GAREM2: variants seen among roughly 807,000 people sequenced by gnomAD.
The protein encoded by GAREM2 is GRB2 associated regulator of MAPK1 subtype 2, also known as GRB2-associated and regulator of MAPK protein 2.
Under a neutral mutation model 55.6 loss-of-function variants are expected in GAREM2, and 30 were observed. The observed-to-expected ratio is 0.54, with a 90% CI of 0.40 to 0.73. The LOEUF (loss-of-function observed/expected upper bound fraction) is 0.73. Among genes scored for constraint, GAREM2 ranks in the 30% least tolerant of loss-of-function variants. The pLI is 0.00. For synonymous variants in GAREM2, 550 were observed against 569.1 expected (o/e 0.97, Z 0.48); for missense variants, 1,075 against 1,257.7 (o/e 0.85, Z 2.20).
chr2:26,175,467 A>G (rs1423903111), intron 1 of GAREM2, among the ~76,000 whole-genome samples: 6 of 152,108 alleles, frequency 3.9e-5, no homozygotes, highest in Non-Finnish European at 7.4e-5. Context: ...CACCCCTGTA[A>G]CTGGGAGGAT....
chr2:26,173,461 G>A, intron 1 of GAREM2, 129 bp downstream of exon 1: 1 of 443,462 alleles, frequency 2.3e-6, no homozygotes, highest in Non-Finnish European at 3.6e-6. Flanking sequence ...TGGGCCCCGA[G>A]CGGTTCCTGG....
At position 26,184,752 on chromosome 2, in the gene GAREM2, G is replaced by C. The variant is rs1351301556; in HGVS notation, c.904G>C (p.Gly302Arg). 6.7e-7 allele frequency: 1 copy of C among 1,502,186 alleles called. No homozygotes were observed. The highest frequency in any genetic ancestry group is 8.8e-7 in the Non-Finnish European group (1 of 1,130,760). The allele number at this position is 1,502,186 out of a possible 1,614,324, so 93.1% of individuals were successfully genotyped here. Residue 302 changes from glycine (G) to arginine (R), a missense_variant, in exon 4 of 6, where the codon GGG becomes CGG. Physicochemically the swap from Gly to Arg is moderately radical, Grantham distance 125. This residue lies in a region of GAREM2 where 170 missense variants were observed against 220.7 expected (regional missense o/e 0.77). Coordinates refer to ENST00000401533, the MANE Select transcript of GAREM2 (RefSeq NM_001168241.2). ...CATCATCTCCAAGACGGTGGTGCTGGGGCTGGCGCTGCGCCGCGAGGGCCC... is the reference window on the plus strand; with the variant it reads ...CATCATCTCCAAGACGGTGGTGCTGCGGCTGGCGCTGCGCCGCGAGGGCCC... Reference protein sequence around the residue: ...VSIISKTVVLGLALRREGPAP... With the variant: ...VSIISKTVVLRLALRREGPAP...
At chr2:26,194,258 G>A (rs1044626264), downstream of GAREM2, among the ~76,000 whole-genome samples, 3 of 152,160 alleles carry the variant, frequency 2.0e-5, no homozygotes, top group African/African-American at 4.8e-5. Flanking sequence ...TGAACCAAGC[G>A]GGCCCTGTTC....
At chr2:26,195,370 G>T in the GAREM2 span, 1 of 789,378 alleles carries the variant, frequency 1.3e-6, no homozygotes. Context: ...TGAGTGGTTT[G>T]GTTCCATGGG....
In GAREM2 at chr2:26,185,229, C is replaced by A; in HGVS notation, c.1381C>A (p.Arg461=). 6.6e-7 allele frequency: 1 copy of A among 1,521,450 alleles called. No homozygotes were observed. 94.2% of individuals were successfully genotyped at this position (1,521,450 alleles called of 1,614,324 possible). A position where few individuals can be genotyped will look rare whatever the true frequency, so the allele number is the denominator to read the frequency against. Residue 461 remains arginine, a synonymous_variant, in exon 4 of 6, where the codon CGG becomes AGG. Transcript: ENST00000401533. ...ISFGAAGPPR[R]EPEAPPPPVP... is the part of the protein sequence containing the mutation. ...CTTCGGGGCCGCGGGACCGCCGCGT[C>A]GGGAGCCGGAAGCGCCGCCGCCTCC... is the stretch of plus-strand genomic sequence containing the variant.
intron 3 of GAREM2, 117 bp from the exon 4 acceptor site, chr2:26,184,116 C>T: frequency 6.9e-7 from 1 of 1,450,182 alleles, no homozygotes; most frequent in Non-Finnish European, 9.3e-7. Flanking sequence ...ACCATCTAGT[C>T]CGAGCCCCGG....
In GAREM2 at chr2:26,187,264, G is replaced by A. The variant is rs375192939; in HGVS notation, c.1632G>A (p.Ser544=). ...AGSRSGSGSP[S]PDTYSLYCYP... ...CCCGCAGTGGCAGTGGCTCCCCATCGCCGGACACCTACTCCCTCTATTGCT... is the reference window on the plus strand; with the variant it reads ...CCCGCAGTGGCAGTGGCTCCCCATCACCGGACACCTACTCCCTCTATTGCT... Residue 544 remains serine, a synonymous_variant, in exon 6 of 6, where the codon TCG becomes TCA. Coordinates refer to ENST00000401533, the MANE Select transcript of GAREM2 (RefSeq NM_001168241.2). 8 of 1,454,430 alleles carry A rather than the reference G, an allele frequency of 5.5e-6. No homozygotes were observed. The highest frequency in any genetic ancestry group is 5.5e-5 in the Admixed American group (2 of 36,512). The allele number at this position is 1,454,430 out of a possible 1,614,324, so 90.1% of individuals were successfully genotyped here. A position where few individuals can be genotyped will look rare whatever the true frequency, so the allele number is the denominator to read the frequency against.
At chr2:26,194,461 C>A, downstream of GAREM2, 1 of 776,560 alleles carries the variant, frequency 1.3e-6, no homozygotes, top group South Asian at 1.4e-5. Flanking sequence ...TAGACAAGAG[C>A]AGGAGTTGGT....
chr2:26,193,412 T>C (rs928438006), downstream of GAREM2, among the ~76,000 whole-genome samples: 1 of 151,466 alleles, frequency 6.6e-6, no homozygotes, highest in South Asian at 2.1e-4. Context: ...CATAAGTGGT[T>C]GCTACCGCAC....
At chr2:26,177,810 A>T (rs1213344213) in intron 2 of GAREM2, among the ~76,000 whole-genome samples, 1 of 151,816 alleles carries the variant, frequency 6.6e-6, no homozygotes, top group African/African-American at 2.4e-5. Flanking sequence ...TATTTTTAGT[A>T]GAGACAGGGT....
At chr2:26,196,043 T>C in the GAREM2 span, among the ~76,000 whole-genome samples, 1 of 152,244 alleles carries the variant, frequency 6.6e-6, no homozygotes, top group African/African-American at 2.4e-5. Context: ...ACAAGTGATA[T>C]CTGTAATTTT....
chr2:26,174,521 A>G lies in GAREM2; in HGVS notation c.112+1189A>G, dbSNP rs1020468363. ...TCATGCCAACTCTGGCTTGTCTCCT[A>G]CTGTGCACCCCATTATAATGGTCAG... On this transcript the variant is annotated intron_variant, in intron 1 of 5. Coordinates refer to ENST00000401533, the MANE Select transcript of GAREM2 (RefSeq NM_001168241.2). 3.9e-5 allele frequency among the ~76,000 whole-genome samples: 6 copies of G among 152,084 alleles called. No individual in the cohort carries two copies. In the East Asian group the frequency reaches 7.7e-4, roughly 20 times the overall value.
At chr2:26,180,101 A>T (rs1428628317) in intron 2 of GAREM2, among the ~76,000 whole-genome samples, 1 of 151,878 alleles carries the variant, frequency 6.6e-6, no homozygotes, top group Non-Finnish European at 1.5e-5. Flanking sequence ...TCTTCCCAGG[A>T]GGGTCCCAGG....
At chr2:26,197,797 A>G in the GAREM2 span, 2 of 1,216,854 alleles carry the variant, frequency 1.6e-6, no homozygotes, top group Non-Finnish European at 2.4e-6. Context: ...AAAAGCATTT[A>G]ACAATGTGTC....
At chr2:26,202,187 C>T in the GAREM2 span, among the ~76,000 whole-genome samples, 1 of 152,140 alleles carries the variant, frequency 6.6e-6, no homozygotes, top group Non-Finnish European at 1.5e-5. Flanking sequence ...TAGCACATTG[C>T]ACTGATTACA....
chr2:26,188,063 C>G lies in GAREM2; in HGVS notation c.2431C>G (p.Leu811Val). ...CCCTGCTGACCTGTCTGCACTCTCC[C>G]TGGAGGAGGTCTCTCGCAGTCTGCG... ...QPPADLSALSLEEVSRSLRFI... is the reference protein window; with the variant it reads ...QPPADLSALSVEEVSRSLRFI... Residue 811 changes from leucine to valine, a missense_variant, in exon 6 of 6, where the codon CTG becomes GTG. Leu to Val is a conservative substitution (Grantham distance 32). This residue lies in a region of GAREM2 where 142 missense variants were observed against 172.3 expected (regional missense o/e 0.82). Transcript: ENST00000401533. The G allele has an allele frequency of 6.5e-7, 1 of 1,544,686 alleles. No individual in the cohort carries two copies. Among genetic ancestry groups the G allele is most frequent in the Non-Finnish European group, 8.8e-7 (1 of 1,142,736 alleles).
chr2:26,182,434 C>T (rs745917905), intron 2 of GAREM2: 7 of 1,550,334 alleles, frequency 4.5e-6, no homozygotes, highest in South Asian at 1.2e-5. Context: ...CCCTGGTTGG[C>T]CCAGTGCCAC....
Position 26,183,098 on chromosome 2 carries a change from G to A in GAREM2, c.384+1G>A. 1 of 1,551,674 alleles carries A rather than the reference G, an allele frequency of 6.4e-7. No homozygotes were observed. The highest frequency in any genetic ancestry group is 8.7e-7 in the Non-Finnish European group (1 of 1,146,956). On this transcript the variant is annotated splice_donor_variant, in intron 3 of 5. Coordinates refer to ENST00000401533, the MANE Select transcript of GAREM2 (RefSeq NM_001168241.2). LOFTEE classifies it high-confidence loss of function. ...GGAAGCCATCACCTTCAGCGTCAAG[G>A]TCAGTCACTCCCTCACCAGGTGTGG...
chr2:26,182,123 T>G, intron 2 of GAREM2: 5 of 1,145,114 alleles, frequency 4.4e-6, no homozygotes, highest in Non-Finnish European at 5.4e-6. Context: ...TTTGTGCTCA[T>G]GTGGGTATGC....
Sources: gnomAD v4.1 joint callset for allele counts (sites outside exome capture counted in the v4.1 genomes callset) on GRCh38, gnomAD v4.1.1 for gene constraint, gnomAD v4.1.1 regional missense constraint, MANE v1.5 for transcripts, NCBI Gene and HGNC (gene_info 2026-07-23, HGNC 2026-07-21) for gene names.